Variants in KCNH7 observed in about 807,000 individuals in gnomAD.
KCNH7 encodes the protein potassium voltage-gated channel subfamily H member 7, also known as voltage-gated inwardly rectifying potassium channel KCNH7.
A neutral mutation model predicts 120.8 loss-of-function variants in KCNH7; 49 were observed. The ratio of observed to expected loss-of-function variants is 0.41; its 90% CI spans 0.32 to 0.51. The LOEUF is 0.51. Ranked by LOEUF, KCNH7 falls within the 20% of genes least tolerant of loss-of-function variation. KCNH7 has a pLI of 0.38. For missense variants in KCNH7, 1,097 were observed against 1,446.6 expected, an observed-to-expected ratio of 0.76 and a Z score of 3.92; for synonymous variants, 547 against 516.1, an observed-to-expected ratio of 1.06 and a Z score of -0.81.
At chr2:162,641,968 A>G (rs929731614) in intron 2 of KCNH7, among the ~76,000 whole-genome samples, 2 of 152,152 alleles carry the variant, frequency 1.3e-5, no homozygotes, top group East Asian at 1.9e-4. Flanking sequence ...TTCAGTTTCA[A>G]TGGAGCCCCA....
intron 9 of KCNH7, among the ~76,000 whole-genome samples, chr2:162,414,665 A>G (rs997640959): frequency 2.0e-5 from 3 of 152,070 alleles, no homozygotes; most frequent in Non-Finnish European, 2.9e-5. Flanking sequence ...GTATAATTAT[A>G]TTAGCATATT....
intron 2 of KCNH7, among the ~76,000 whole-genome samples, chr2:162,542,649 A>T (rs2105839794): frequency 6.6e-6 from 1 of 151,956 alleles, no homozygotes; most frequent in South Asian, 2.1e-4. Flanking sequence ...CCGGTCTGTC[A>T]TTGTTGGACA....
intron 3 of KCNH7, among the ~76,000 whole-genome samples, chr2:162,529,951 A>T (rs1341591720): frequency 2.0e-5 from 3 of 151,920 alleles, no homozygotes; most frequent in Non-Finnish European, 4.4e-5. Context: ...TGATAGTAAG[A>T]TTTATCAAAA....
rs1441328742 is a variant in KCNH7 at position 162,518,670 on chromosome 2, A to ATTG, written c.464-513_464-512insCAA. Among the ~76,000 whole-genome samples the ATTG allele has an allele frequency of 2.0e-5, 3 of 151,898 alleles. No individual in the cohort carries two copies. The East Asian group carries it at 5.9e-4, about 30-fold the overall frequency. ...ATATTTAGAATATTTGTATTGAATA[A>ATTG]TATTGTGAGTCGAGTTTGGGTGGGA... On this transcript the variant is annotated intron_variant, in intron 3 of 15. Transcript: ENST00000332142.
chr2:162,392,184 C>T (rs1196634780), intron 12 of KCNH7, among the ~76,000 whole-genome samples: 1 of 151,732 alleles, frequency 6.6e-6, no homozygotes, highest in Non-Finnish European at 1.5e-5. Context: ...TTGAGGAGCT[C>T]AAGAAACAAT....
intron 2 of KCNH7, among the ~76,000 whole-genome samples, chr2:162,780,270 T>C (rs192905672): frequency 1.1e-3 from 170 of 152,336 alleles, no homozygotes; most frequent in African/African-American, 3.8e-3. Context: ...CTCGATGATA[T>C]ATCTTAGTGA....
rs988010303 is a variant in KCNH7 at position 162,679,095 on chromosome 2, T to C, written c.308-142015A>G. ...AACTGGAAAGAGCAGCATGTTATCC[T>C]GGAATGTAAGATTTCAGAAACAGAG... On this transcript the variant is annotated intron_variant, in intron 2 of 15. Coordinates refer to ENST00000332142, the MANE Select transcript of KCNH7 (RefSeq NM_033272.4). Among the ~76,000 whole-genome samples the C allele has an allele frequency of 3.8e-4, 57 of 151,720 alleles. 1 individual carries two copies. Among genetic ancestry groups the C allele is most frequent in the African/African-American group, 1.3e-3 (54 of 41,504 alleles).
chr2:162,556,399 G>A (rs752409960), intron 2 of KCNH7, among the ~76,000 whole-genome samples: 10 of 152,072 alleles, frequency 6.6e-5, no homozygotes, highest in Non-Finnish European at 1.3e-4. Context: ...CCTGGTTATT[G>A]AACACTAGCT....
rs748994303 is a variant in KCNH7, at chr2:162,518,167, G to A, written c.464-9C>T. On this transcript the variant is annotated splice_polypyrimidine_tract_variant and intron_variant, in intron 3 of 15. Coordinates refer to ENST00000332142, the MANE Select transcript of KCNH7 (RefSeq NM_033272.4). The stretch of plus-strand genomic sequence containing the variant: ...GAACCCAAAAAATTTCCCTATAAAT[G>A]GAGACAGGAGAGAGCATTATTATAA... 1.9e-6 allele frequency: 3 copies of A among 1,593,976 alleles called. No homozygotes were observed. Among genetic ancestry groups the A allele is most frequent in the Admixed American group, 1.7e-5 (1 of 58,580 alleles).
intron 2 of KCNH7, among the ~76,000 whole-genome samples, chr2:162,568,678 G>C (rs975690990): frequency 3.3e-5 from 5 of 151,742 alleles, no homozygotes; most frequent in Non-Finnish European, 2.9e-5. Context: ...TGTTGGAGTA[G>C]AAACAAAGAG....
Position 162,426,068 on chromosome 2 carries a change from G to GC in KCNH7, c.1955-2534dup, listed in dbSNP as rs535446358. 2.7e-3 allele frequency among the ~76,000 whole-genome samples: 411 copies of GC among 152,042 alleles called. 1 individual carries two copies. The highest frequency in any genetic ancestry group is 4.2e-3 in the Non-Finnish European group (284 of 67,964). On this transcript the variant is annotated intron_variant, in intron 8 of 15. Transcript: ENST00000332142. ...ATCTCTACAACAAATACAAACATTA[G>GC]CCAGGTATGGTGGTGTGCGCCTGTA...
intron 2 of KCNH7, among the ~76,000 whole-genome samples, chr2:162,636,594 A>C (rs1450425044): frequency 6.6e-6 from 1 of 152,178 alleles, no homozygotes; most frequent in Admixed American, 6.6e-5. Flanking sequence ...ATAAAAGTTC[A>C]TTGACATGAC....
intron 6 of KCNH7, among the ~76,000 whole-genome samples, chr2:162,492,865 GTTTTTTTTTTTTTTTT>G (rs67006443): frequency 8.7e-5 from 5 of 57,210 alleles, no homozygotes; most frequent in South Asian, 9.7e-4. Flanking sequence ...CTTGGATCTT[GTTTTTTTTTTTTTTTT>G]TTTTTTTTTT....
At chr2:162,594,665 A>G (rs1694317009) in intron 2 of KCNH7, among the ~76,000 whole-genome samples, 1 of 152,106 alleles carries the variant, frequency 6.6e-6, no homozygotes, top group Admixed American at 6.6e-5. Context: ...CTGTGTCTAT[A>G]TTGAACATGT....
chr2:162,583,180 A>C (rs1559028970), intron 2 of KCNH7, among the ~76,000 whole-genome samples: 1 of 152,040 alleles, frequency 6.6e-6, no homozygotes, highest in African/African-American at 2.4e-5. Context: ...TATTTAGGGA[A>C]ATTTTTATTT....
chr2:162,777,299 T>A (rs951820577), intron 2 of KCNH7, among the ~76,000 whole-genome samples: 2 of 152,150 alleles, frequency 1.3e-5, no homozygotes, highest in African/African-American at 4.8e-5. Flanking sequence ...CTTCACATCA[T>A]CTCTACATTA....
intron 3 of KCNH7, among the ~76,000 whole-genome samples, chr2:162,530,278 A>C (rs961466261): frequency 6.6e-6 from 1 of 151,996 alleles, no homozygotes; most frequent in African/African-American, 2.4e-5. Flanking sequence ...TTTGTAATTT[A>C]ATACCTCCCT....
At chr2:162,508,646 T>C (rs570167721) in intron 5 of KCNH7, among the ~76,000 whole-genome samples, 21 of 151,498 alleles carry the variant, frequency 1.4e-4, no homozygotes, top group African/African-American at 5.1e-4. Context: ...ACAATATCCT[T>C]ATTTCACCGA....
intron 12 of KCNH7, among the ~76,000 whole-genome samples, chr2:162,385,785 T>A (rs1443803385): frequency 6.6e-6 from 1 of 151,858 alleles, no homozygotes; most frequent in African/African-American, 2.4e-5. Context: ...AGTGTCTCCA[T>A]CCACTCTACG....
Sources: gnomAD v4.1 joint callset for allele counts (sites outside exome capture counted in the v4.1 genomes callset) on GRCh38, gnomAD v4.1.1 for gene constraint, MANE v1.5 for transcripts, NCBI Gene and HGNC (gene_info 2026-07-23, HGNC 2026-07-21) for gene names.